The following ZNF341 variants were observed in gnomAD, a reference collection of about 807,000 sequenced individuals.
ZNF341 encodes zinc finger protein 341.
Under a neutral mutation model 87.7 loss-of-function variants are expected in ZNF341, and 52 were observed. The observed-to-expected ratio is 0.59, with a 90% CI of 0.47 to 0.75. ZNF341 has a LOEUF of 0.75. Among genes scored for constraint, ZNF341 ranks in the 30% least tolerant of loss-of-function variants. ZNF341 has a pLI of 0.00. For synonymous variants in ZNF341, 459 were observed against 472.7 expected, an observed-to-expected ratio of 0.97 and a Z score of 0.38; for missense variants, 977 against 1,145.9, an observed-to-expected ratio of 0.85 and a Z score of 2.13.
At position 33,783,727 on chromosome 20, in the gene ZNF341, C is replaced by T; in HGVS notation, c.1720-5C>T. On this transcript the variant is annotated splice_region_variant and splice_polypyrimidine_tract_variant and intron_variant, in intron 11 of 14. Coordinates refer to ENST00000375200, the MANE Select transcript of ZNF341 (RefSeq NM_001282933.2). ...TCAGACCTGAAGGCCCCTCTTCTCT[C>T]CCAGGTGTTTCCTTGTGAACGCTAC... The T allele has an allele frequency of 6.2e-7, 1 of 1,613,836 alleles. No homozygotes were observed. Among genetic ancestry groups the T allele is most frequent in the Admixed American group, 1.7e-5 (1 of 60,002 alleles).
In ZNF341 at chr20:33,757,423, A is replaced by T. The variant is rs1023249745; in HGVS notation, c.937+80A>T. ...CTACTTGGTTCTGGTCTTCCCTTTTATGGTTGTTCAAGTTTGGTTGCATGT... is the reference window on the plus strand; with the variant it reads ...CTACTTGGTTCTGGTCTTCCCTTTTTTGGTTGTTCAAGTTTGGTTGCATGT... On this transcript the variant is annotated intron_variant, in intron 6 of 14. Coordinates refer to ENST00000375200, the MANE Select transcript of ZNF341 (RefSeq NM_001282933.2). The T allele has an allele frequency of 2.4e-6, 3 of 1,255,056 alleles. No individual in the cohort carries two copies. The African/African-American group carries it at 4.6e-5, about 19-fold the overall frequency. 77.7% of individuals were successfully genotyped at this position (1,255,056 alleles called of 1,614,324 possible).
chr20:33,748,667 C>G (rs1227367502), intron 3 of ZNF341, among the ~76,000 whole-genome samples: 1 of 152,082 alleles, frequency 6.6e-6, no homozygotes, highest in Non-Finnish European at 1.5e-5. Context: ...CGTGCCCAGT[C>G]TTATCATCCT....
chr20:33,745,037 G>A (rs2018886563), intron 2 of ZNF341, 66 bp from the exon 3 acceptor site: 3 of 1,465,250 alleles, frequency 2.0e-6, no homozygotes, highest in Non-Finnish European at 2.8e-6. Flanking sequence ...ACATAGTCTT[G>A]CTTTTTTTTC....
intron 11 of ZNF341, 60 bp downstream of exon 11, chr20:33,781,447 TG>T (rs2019741987): frequency 1.4e-6 from 2 of 1,471,290 alleles, no homozygotes; most frequent in South Asian, 2.3e-5. Context: ...GGAGGTGGGG[TG>T]GGGTGCACAC....
At chr20:33,752,662 T>C (rs550077864) in intron 4 of ZNF341, 133 of 248,926 alleles carry the variant, frequency 5.3e-4, no homozygotes, top group African/African-American at 3.0e-3. Flanking sequence ...CTTTTTTTTT[T>C]TTTTTTTTGA....
intron 10 of ZNF341, 46 bp downstream of exon 10, chr20:33,770,338 G>T: frequency 6.1e-6 from 3 of 491,752 alleles, no homozygotes; most frequent in Non-Finnish European, 8.4e-6. Flanking sequence ...GGGTGGGTGG[G>T]CAGGGAGCCC....
At chr20:33,747,072 G>T (rs1401462728) in intron 3 of ZNF341, among the ~76,000 whole-genome samples, 2 of 152,112 alleles carry the variant, frequency 1.3e-5, no homozygotes, top group Non-Finnish European at 2.9e-5. Context: ...CCGAAAACAC[G>T]GTTCTGGAGC....
At chr20:33,759,060 A>C (rs1204597118) in intron 7 of ZNF341, among the ~76,000 whole-genome samples, 3 of 152,078 alleles carry the variant, frequency 2.0e-5, no homozygotes, top group Non-Finnish European at 4.4e-5. Context: ...GAAGAAAAGC[A>C]CTGAACCCAG....
chr20:33,749,528 C>T (rs188859742), intron 4 of ZNF341, among the ~76,000 whole-genome samples: 27 of 152,198 alleles, frequency 1.8e-4, no homozygotes, highest in Admixed American at 1.6e-3. Flanking sequence ...AACTCTTGAC[C>T]TCAAGTGAGC....
chr20:33,758,988 C>G (rs2019238235), intron 7 of ZNF341, among the ~76,000 whole-genome samples, 182 bp downstream of exon 7: 2 of 152,126 alleles, frequency 1.3e-5, no homozygotes, highest in South Asian at 2.1e-4. Context: ...GTGGGAGGGA[C>G]CTGTGAAAGC....
intron 4 of ZNF341, among the ~76,000 whole-genome samples, chr20:33,751,323 G>A (rs904611119): frequency 1.3e-5 from 2 of 152,010 alleles, no homozygotes; most frequent in Non-Finnish European, 2.9e-5. Context: ...AAAGACTCAC[G>A]GGACTCAGAG....
At chr20:33,763,455 C>T (rs755224959) in intron 8 of ZNF341, among the ~76,000 whole-genome samples, 12 of 152,088 alleles carry the variant, frequency 7.9e-5, no homozygotes, top group Admixed American at 1.3e-4. Flanking sequence ...CCCTTTACCA[C>T]ACCTGGCTAA....
At chr20:33,747,614 C>CAA (rs773781002) in intron 3 of ZNF341, among the ~76,000 whole-genome samples, 801 of 15,596 alleles carry the variant, frequency 0.051, 138 homozygotes, top group African/African-American at 0.22. Flanking sequence ...GACTCCGTCT[C>CAA]AAAAAAAAAA....
chr20:33,752,293 G>A (rs1309397645), intron 4 of ZNF341: 2 of 602,946 alleles, frequency 3.3e-6, no homozygotes, highest in Non-Finnish European at 6.4e-6. Flanking sequence ...ACCGCACACG[G>A]ATGCAGTATG....
intron 13 of ZNF341, 105 bp downstream of exon 13, chr20:33,789,079 T>A (rs2019939912): frequency 1.0e-5 from 2 of 192,730 alleles, no homozygotes; most frequent in Non-Finnish European, 2.0e-5. Flanking sequence ...AGGCCTCTCC[T>A]TTTTTTTTTT....
intron 5 of ZNF341, 65 bp from the exon 6 acceptor site, chr20:33,757,083 C>A: frequency 7.7e-7 from 1 of 1,297,528 alleles, no homozygotes; most frequent in Non-Finnish European, 1.0e-6. Context: ...AGGGAGAGTG[C>A]CCCTGGCTGG....
At chr20:33,777,495 G>A (rs568047426) in intron 10 of ZNF341, among the ~76,000 whole-genome samples, 12 of 151,846 alleles carry the variant, frequency 7.9e-5, no homozygotes, top group Admixed American at 3.3e-4. Context: ...TTAGCTGGGT[G>A]TGGTGGCGGG....
intron 4 of ZNF341, among the ~76,000 whole-genome samples, chr20:33,750,085 A>G (rs2019021282): frequency 6.6e-6 from 1 of 152,174 alleles, no homozygotes; most frequent in African/African-American, 2.4e-5. Flanking sequence ...CATGTCTATT[A>G]GAAAAATAGA....
chr20:33,763,936 C>A (rs1330809361), intron 8 of ZNF341, among the ~76,000 whole-genome samples: 2 of 151,390 alleles, frequency 1.3e-5, no homozygotes, highest in Admixed American at 6.6e-5. Context: ...GTAATCCCAG[C>A]ACTTTGGGAG....
Sources: allele counts gnomAD v4.1 joint callset (sites outside exome capture counted in the v4.1 genomes callset), GRCh38; gene constraint gnomAD v4.1.1; transcripts MANE v1.5; gene names NCBI Gene and HGNC (gene_info 2026-07-23, HGNC 2026-07-21).